The following NRG1 variants were observed in gnomAD, a reference collection of about 807,000 sequenced individuals.
NRG1 encodes pro-neuregulin-1, membrane-bound isoform.
A neutral mutation model predicts 63.8 loss-of-function variants in NRG1; 18 were observed. The ratio of observed to expected loss-of-function variants is 0.28; its 90% CI spans 0.19 to 0.42. NRG1 has a LOEUF of 0.42. NRG1 is among the 10% of genes least tolerant of loss of function. The pLI is 1.00. For synonymous variants in NRG1, 302 were observed against 301.3 expected (o/e 1.00, Z -0.02); for missense variants, 762 against 814.7 (o/e 0.94, Z 0.79).
rs1316080183 is a variant in NRG1 at position 32,344,327 on chromosome 8, TTTC to T, written c.38-251498_38-251496del. 2.9e-4 allele frequency among the ~76,000 whole-genome samples: 12 copies of T among 42,064 alleles called. No homozygotes were observed. The East Asian group carries it at 5.6e-3, about 20-fold the overall frequency. 27.6% of individuals were successfully genotyped at this position (42,064 alleles called of 152,430 possible). On this transcript the variant is annotated intron_variant, in intron 1 of 10. Coordinates refer to the NRG1 transcript ENST00000519301. The stretch of plus-strand genomic sequence containing the variant: ...CATCTTTTTTTTTTCCTTCTTTCTC[TTTC>T]TTTCTTTCTTTCTTTCTTTCTTTCT...
intron 1 of NRG1, among the ~76,000 whole-genome samples, chr8:31,954,346 A>G (rs796726604): frequency 3.9e-4 from 59 of 152,334 alleles, no homozygotes; most frequent in African/African-American, 1.3e-3. Context: ...TAAAGCTTTT[A>G]CTGGAGAGAG....
At chr8:32,316,030 G>C (rs1166782882) in intron 1 of NRG1, among the ~76,000 whole-genome samples, 1 of 146,966 alleles carries the variant, frequency 6.8e-6, no homozygotes, top group Non-Finnish European at 1.5e-5. Flanking sequence ...GAAGATGTTA[G>C]AATACAAATA....
chr8:31,686,200 A>C (rs1808874956), intron 1 of NRG1, among the ~76,000 whole-genome samples: 1 of 152,212 alleles, frequency 6.6e-6, no homozygotes, highest in Non-Finnish European at 1.5e-5. Flanking sequence ...CTGTCTCCAA[A>C]ATGGTGTTTG....
intron 1 of NRG1, among the ~76,000 whole-genome samples, chr8:31,999,523 C>A (rs142124134): frequency 5.3e-5 from 8 of 151,912 alleles, no homozygotes; most frequent in African/African-American, 1.9e-4. Flanking sequence ...CATTCACCCT[C>A]GCGGAATTTA....
intron 5 of NRG1, among the ~76,000 whole-genome samples, chr8:32,635,875 C>G (rs912239100): frequency 6.6e-6 from 1 of 152,038 alleles, no homozygotes. Context: ...TTCTTTGAAT[C>G]TTTTTTAGGG....
chr8:32,720,725 G>A (rs536787201), intron 5 of NRG1, among the ~76,000 whole-genome samples: 23 of 151,940 alleles, frequency 1.5e-4, no homozygotes, highest in South Asian at 6.2e-4. Context: ...CATGGTATTC[G>A]TATCATTGAG....
At chr8:31,696,770 G>A (rs1810108765) in intron 1 of NRG1, among the ~76,000 whole-genome samples, 1 of 152,192 alleles carries the variant, frequency 6.6e-6, no homozygotes, top group African/African-American at 2.4e-5. Flanking sequence ...TCTTCAGCAA[G>A]TTAGTGACAG....
intron 1 of NRG1, among the ~76,000 whole-genome samples, chr8:32,103,770 A>C (rs1830880413): frequency 6.6e-6 from 1 of 152,028 alleles, no homozygotes; most frequent in Non-Finnish European, 1.5e-5. Flanking sequence ...TTTGAGACCT[A>C]AGTCTCAGGA....
Position 31,846,389 on chromosome 8 carries a change from C to T in NRG1, c.37+206958C>T, listed in dbSNP as rs114375658. 4.4e-3 allele frequency among the ~76,000 whole-genome samples: 663 copies of T among 152,266 alleles called. 7 individuals are homozygous for T. Among genetic ancestry groups the T allele is most frequent in the African/African-American group, 0.015 (626 of 41,552 alleles). Reference sequence around the variant, plus strand: ...GCAGTTTATCACGAGCGCTATTCTCCGTTTTTATATTCTGGTTCATTACCA... The same window carrying T: ...GCAGTTTATCACGAGCGCTATTCTCTGTTTTTATATTCTGGTTCATTACCA... On this transcript the variant is annotated intron_variant, in intron 1 of 10. Transcript: ENST00000519301.
At chr8:32,522,919 C>T (rs185275625) in intron 1 of NRG1, among the ~76,000 whole-genome samples, 51 of 151,992 alleles carry the variant, frequency 3.4e-4, no homozygotes, top group African/African-American at 1.1e-3. Flanking sequence ...GATCCTCCCA[C>T]CTAGCCTGAG....
chr8:32,529,009 G>A (rs763999836), intron 1 of NRG1, among the ~76,000 whole-genome samples: 14 of 152,164 alleles, frequency 9.2e-5, no homozygotes, highest in Non-Finnish European at 1.6e-4. Context: ...ATGTGGCTAC[G>A]TTCTGAGAAA....
chr8:31,760,365 T>C (rs935142946), intron 1 of NRG1, among the ~76,000 whole-genome samples: 6 of 152,072 alleles, frequency 3.9e-5, no homozygotes, highest in Admixed American at 1.3e-4. Flanking sequence ...GTTGTAGATA[T>C]GCTACCATTC....
intron 1 of NRG1, among the ~76,000 whole-genome samples, chr8:32,050,208 G>A (rs536156202): frequency 7.9e-5 from 12 of 152,130 alleles, no homozygotes; most frequent in African/African-American, 2.9e-4. Flanking sequence ...AAGACATTGC[G>A]TCAGTTGGTA....
intron 1 of NRG1, among the ~76,000 whole-genome samples, chr8:31,803,882 T>C (rs1822029560): frequency 6.6e-6 from 1 of 152,180 alleles, no homozygotes; most frequent in Non-Finnish European, 1.5e-5. Context: ...TGAAGACACA[T>C]TTCCATCTCA....
At chr8:32,469,294 T>C (rs1198724724) in intron 1 of NRG1, among the ~76,000 whole-genome samples, 1 of 152,132 alleles carries the variant, frequency 6.6e-6, no homozygotes, top group African/African-American at 2.4e-5. Flanking sequence ...CACAACGCAA[T>C]GGAAACAGAA....
intron 1 of NRG1, among the ~76,000 whole-genome samples, chr8:31,775,642 C>G (rs1009687978): frequency 1.4e-4 from 21 of 152,108 alleles, no homozygotes; most frequent in African/African-American, 5.1e-4. Context: ...AATCCCAGCA[C>G]GGAGGCCAAG....
chr8:32,517,610 C>T lies in NRG1; in HGVS notation c.38-78218C>T, dbSNP rs12679324. On this transcript the variant is annotated intron_variant, in intron 1 of 10. Coordinates refer to the NRG1 transcript ENST00000519301. The stretch of plus-strand genomic sequence containing the variant: ...GTGTGTATACTAACATGCAGCTCTA[C>T]GAAATATACAAAAAAGTTAAGCATA... 0.049 allele frequency among the ~76,000 whole-genome samples: 7,467 copies of T among 152,128 alleles called. 1,107 individuals carry two copies. The East Asian group carries it at 0.62, about 13-fold the overall frequency.
At chr8:31,765,857 G>A (rs1586247426) in intron 1 of NRG1, among the ~76,000 whole-genome samples, 1 of 152,218 alleles carries the variant, frequency 6.6e-6, no homozygotes, top group East Asian at 1.9e-4. Flanking sequence ...CTTTGAGTCT[G>A]TTTCTTCATT....
At chr8:32,321,419 G>A (rs1008059606) in intron 1 of NRG1, among the ~76,000 whole-genome samples, 7 of 150,830 alleles carry the variant, frequency 4.6e-5, no homozygotes, top group African/African-American at 1.7e-4. Context: ...ATACTCTTTG[G>A]TCTTGTCGAC....
Sources: allele counts gnomAD v4.1 joint callset (sites outside exome capture counted in the v4.1 genomes callset), GRCh38; gene constraint gnomAD v4.1.1; transcripts MANE v1.5; gene names NCBI Gene and HGNC (gene_info 2026-07-23, HGNC 2026-07-21).